The following CBLB variants were observed in gnomAD, a reference collection of about 807,000 sequenced individuals.
CBLB encodes the protein Cbl proto-oncogene B.
A neutral mutation model predicts 104.9 loss-of-function variants in CBLB; 31 were observed. The observed-to-expected ratio is 0.30, with a 90% CI of 0.22 to 0.40. CBLB has a LOEUF of 0.40. CBLB is among the 10% of genes least tolerant of loss of function. The pLI, the probability that CBLB is intolerant of heterozygous loss-of-function variation, is 1.00. For missense variants in CBLB, 1,062 were observed against 1,214.6 expected (o/e 0.87, Z 1.87); for synonymous variants, 440 against 422.6 (o/e 1.04, Z -0.51).
chr3:105,798,327 ATAT>A (rs1033592275), intron 3 of CBLB, among the ~76,000 whole-genome samples: 5 of 152,190 alleles, frequency 3.3e-5, no homozygotes, highest in African/African-American at 9.6e-5. Flanking sequence ...AATAAAATAA[ATAT>A]TATCAGTAGA....
intron 17 of CBLB, among the ~76,000 whole-genome samples, chr3:105,678,228 C>T (rs908779410): frequency 1.3e-5 from 2 of 152,252 alleles, no homozygotes; most frequent in East Asian, 3.9e-4. Flanking sequence ...CCTTATTGCT[C>T]TTTCCATCTC....
At chr3:105,693,108 G>A (rs1486179160) in intron 13 of CBLB, among the ~76,000 whole-genome samples, 1 of 151,954 alleles carries the variant, frequency 6.6e-6, no homozygotes, top group Non-Finnish European at 1.5e-5. Context: ...TGTGAGAAAT[G>A]AGAAACCTGG....
In CBLB at chr3:105,853,599, C is replaced by G. The variant is rs1265308823; in HGVS notation, c.234G>C (p.Leu78Phe). Residue 78 changes from leucine to phenylalanine, a missense_variant, in exon 3 of 19, where the codon TTG becomes TTC. This residue lies in a region of CBLB where 457 missense variants were observed against 632.0 expected (regional missense o/e 0.72). Transcript: ENST00000394030. ...GTCGTAAATGCTGATATGTATCAGGCAAAATATCAAGTATATATGGTGGGC... is the reference window on the plus strand; with the variant it reads ...GTCGTAAATGCTGATATGTATCAGGGAAAATATCAAGTATATATGGTGGGC... ...KNSPPYILDILPDTYQHLRLI... is the reference protein window; with the variant it reads ...KNSPPYILDIFPDTYQHLRLI... The G allele has an allele frequency of 6.2e-7, 1 of 1,609,944 alleles. No individual in the cohort carries two copies. The highest frequency in any genetic ancestry group is 8.5e-7 in the Non-Finnish European group (1 of 1,176,810).
rs560513516 is a variant in CBLB, at chr3:105,866,976, A to C, written c.168+434T>G. 2.0e-5 allele frequency among the ~76,000 whole-genome samples: 3 copies of C among 152,366 alleles called. No homozygotes were observed. The East Asian group carries it at 5.8e-4, about 29-fold the overall frequency. Reference sequence around the variant, plus strand: ...ACTACTGCTTCTTCACTTAAGAACTAATCTGTTTCTTTCCCCAGTAAATAT... The same window carrying C: ...ACTACTGCTTCTTCACTTAAGAACTCATCTGTTTCTTTCCCCAGTAAATAT... On this transcript the variant is annotated intron_variant, in intron 2 of 18. Coordinates refer to ENST00000394030, the MANE Select transcript of CBLB (RefSeq NM_170662.5).
intron 3 of CBLB, among the ~76,000 whole-genome samples, chr3:105,831,786 G>T (rs1236523310): frequency 6.6e-6 from 1 of 152,156 alleles, no homozygotes; most frequent in African/African-American, 2.4e-5. Flanking sequence ...TTTTCAGGAA[G>T]GCAAAGCAAT....
At position 105,702,408 on chromosome 3, in the gene CBLB, G is replaced by A; in HGVS notation, c.1645C>T (p.Pro549Ser). 1 of 1,604,976 alleles carries A rather than the reference G, an allele frequency of 6.2e-7. No individual in the cohort carries two copies. The highest frequency in any genetic ancestry group is 1.1e-5 in the South Asian group (1 of 90,896). Residue 549 changes from proline to serine, a missense_variant, in exon 12 of 19, where the codon CCT becomes TCT. This residue lies in a region of CBLB where 605 missense variants were observed against 582.6 expected (regional missense o/e 1.04). Coordinates refer to ENST00000394030, the MANE Select transcript of CBLB (RefSeq NM_170662.5). ...GGTGGAGGAGGATCTCTTAAGGGAGGAGGTGGTGCTGGGAGTGGTTTATCT... is the reference window on the plus strand; with the variant it reads ...GGTGGAGGAGGATCTCTTAAGGGAGAAGGTGGTGCTGGGAGTGGTTTATCT... The part of the protein sequence containing the change: ...KQDKPLPAPP[P>S]PLRDPPPPPP...
intron 11 of CBLB, 41 bp from the exon 12 acceptor site, chr3:105,702,500 C>G: frequency 1.2e-6 from 1 of 808,772 alleles, no homozygotes; most frequent in Non-Finnish European, 1.6e-6. Flanking sequence ...AAAAAAAAAA[C>G]TAAAGGTTGT....
intron 3 of CBLB, among the ~76,000 whole-genome samples, chr3:105,814,819 C>G (rs569167637): frequency 6.6e-6 from 1 of 152,014 alleles, no homozygotes; most frequent in Non-Finnish European, 1.5e-5. Context: ...TCCCTCATGT[C>G]CAATGAATAT....
chr3:105,868,095 G>A (rs768984614), intron 1 of CBLB: 51 of 533,260 alleles, frequency 9.6e-5, no homozygotes, highest in Middle Eastern at 1.1e-3. Flanking sequence ...ACAAACGTAA[G>A]GGACAGCTCT....
intron 9 of CBLB, among the ~76,000 whole-genome samples, chr3:105,725,718 T>A (rs1019307149): frequency 5.3e-5 from 8 of 152,222 alleles, no homozygotes; most frequent in African/African-American, 1.9e-4. Context: ...AAAGTGCCAA[T>A]TTAAAACGTT....
intron 3 of CBLB, among the ~76,000 whole-genome samples, chr3:105,817,196 G>C (rs2085183976): frequency 6.6e-6 from 1 of 152,168 alleles, no homozygotes; most frequent in South Asian, 2.1e-4. Context: ...CCCAGAAGAG[G>C]ATTAAAGTGT....
At chr3:105,841,749 A>T (rs1442984971) in intron 3 of CBLB, among the ~76,000 whole-genome samples, 1 of 152,122 alleles carries the variant, frequency 6.6e-6, no homozygotes, top group Non-Finnish European at 1.5e-5. Context: ...CACCACGCCC[A>T]GCCCAGAACC....
At chr3:105,692,917 C>T (rs893111861) in intron 13 of CBLB, among the ~76,000 whole-genome samples, 1 of 148,966 alleles carries the variant, frequency 6.7e-6, no homozygotes, top group African/African-American at 2.5e-5. Context: ...AATGAGATAC[C>T]CAGTTATCTC....
At chr3:105,806,372 C>G (rs1480456294) in intron 3 of CBLB, among the ~76,000 whole-genome samples, 1 of 150,764 alleles carries the variant, frequency 6.6e-6, no homozygotes, top group African/African-American at 2.4e-5. Context: ...GAATACAATC[C>G]TCAATGGGAA....
chr3:105,673,204 G>A (rs1307097076), intron 17 of CBLB: 1 of 151,882 alleles, frequency 6.6e-6, no homozygotes, highest in African/African-American at 2.4e-5. Context: ...AAGTAGCTGA[G>A]ACTACAGGCG....
intron 6 of CBLB, 61 bp downstream of exon 6, chr3:105,745,856 A>T (rs1309839072): frequency 6.6e-7 from 1 of 1,521,162 alleles, no homozygotes; most frequent in Non-Finnish European, 9.1e-7. Flanking sequence ...CTTAGGAACA[A>T]ACCATGGAGA....
chr3:105,720,290 A>C (rs1463421190), intron 9 of CBLB, 40 bp from the exon 10 acceptor site: 1 of 1,536,272 alleles, frequency 6.5e-7, no homozygotes, highest in Non-Finnish European at 8.9e-7. Context: ...TTTGTTCAAA[A>C]TAAACAGTAC....
intron 10 of CBLB, among the ~76,000 whole-genome samples, chr3:105,710,770 C>T (rs1033439308): frequency 2.0e-5 from 3 of 151,884 alleles, no homozygotes; most frequent in South Asian, 2.1e-4. Flanking sequence ...GATTCTTTTA[C>T]GTCTACATAC....
At chr3:105,692,777 G>A (rs1372646682) in intron 13 of CBLB, among the ~76,000 whole-genome samples, 1 of 150,898 alleles carries the variant, frequency 6.6e-6, no homozygotes, top group African/African-American at 2.4e-5. Context: ...ATATACCGGA[G>A]GAAAGGCAGA....
Sources: allele counts gnomAD v4.1 joint callset (sites outside exome capture counted in the v4.1 genomes callset), GRCh38; gene constraint gnomAD v4.1.1; regional missense constraint gnomAD v4.1.1; transcripts MANE v1.5; gene names NCBI Gene and HGNC (gene_info 2026-07-23, HGNC 2026-07-21).